MAP3K2: variants seen among roughly 807,000 people sequenced by gnomAD.
MAP3K2 encodes mitogen-activated protein kinase kinase kinase 2.
A neutral mutation model predicts 80.3 loss-of-function variants in MAP3K2; 24 were observed. The ratio of observed to expected loss-of-function variants is 0.30; its 90% confidence interval spans 0.22 to 0.42. The LOEUF is 0.42. Among genes scored for constraint, MAP3K2 ranks in the 10% least tolerant of loss-of-function variants. The pLI is 1.00. For synonymous variants in MAP3K2, 244 were observed against 253.7 expected, an observed-to-expected ratio of 0.96 and a Z score of 0.36; for missense variants, 608 against 750.1, an observed-to-expected ratio of 0.81 and a Z score of 2.21.
In MAP3K2 at chr2:127,387,603, C is replaced by T. The variant is rs1383248488; in HGVS notation, c.-217G>A. 7 of 984,796 alleles carry T rather than the reference C, an allele frequency of 7.1e-6. No homozygotes were observed. The highest frequency in any genetic ancestry group is 5.2e-4 in the Middle Eastern group (1 of 1,934). 61.0% of individuals were successfully genotyped at this position (984,796 alleles called of 1,614,324 possible). On this transcript the variant is annotated 5_prime_UTR_variant, in exon 1 of 17. Transcript: ENST00000682094. Reference sequence around the variant, plus strand: ...GGGACCGGAGGGGCGCGCGAGGAGTCGGGCGCGGGCCTTGGGGCCAGGCCC... The same window carrying T: ...GGGACCGGAGGGGCGCGCGAGGAGTTGGGCGCGGGCCTTGGGGCCAGGCCC...
At position 127,306,716 on chromosome 2, in the gene MAP3K2, CT is replaced by C. The variant is rs1416766852; in HGVS notation, c.*862del. The C allele has an allele frequency of 1.3e-5, 2 of 152,132 alleles. No homozygotes were observed. The highest frequency in any genetic ancestry group is 2.9e-5 in the Non-Finnish European group (2 of 68,008). The allele number at this position is 152,132 out of a possible 1,614,324, so 9.4% of individuals were successfully genotyped here. A position where few individuals can be genotyped will look rare whatever the true frequency, so the allele number is the denominator to read the frequency against. On this transcript the variant is annotated 3_prime_UTR_variant, in exon 17 of 17. Coordinates refer to ENST00000682094, the MANE Select transcript of MAP3K2 (RefSeq NM_001371910.2). This position sits in a 1 kb window ranked among gnomAD's most constrained non-coding sequence, Gnocchi z 4.7. Reference sequence around the variant, plus strand: ...AAACTGTTTAAAATACACTAAACACCTAATTTTTTTTCATTATTTCTATTGA... The same window carrying C: ...AAACTGTTTAAAATACACTAAACACCAATTTTTTTTCATTATTTCTATTGA...
At chr2:127,354,334 G>C (rs1333214695) in intron 1 of MAP3K2, among the ~76,000 whole-genome samples, 1 of 144,772 alleles carries the variant, frequency 6.9e-6, no homozygotes, top group Non-Finnish European at 1.5e-5. Flanking sequence ...TACGATAAAA[G>C]TAAATCCCTT....
chr2:127,308,241 AT>A (rs1685744670), intron 16 of MAP3K2, among the ~76,000 whole-genome samples: 1 of 152,254 alleles, frequency 6.6e-6, no homozygotes, highest in Non-Finnish European at 1.5e-5. Flanking sequence ...TAAAGATTAA[AT>A]GAATTATAAG....
intron 1 of MAP3K2, among the ~76,000 whole-genome samples, chr2:127,352,433 TCTTC>T (rs1233506532): frequency 1.3e-5 from 2 of 152,158 alleles, no homozygotes; most frequent in Non-Finnish European, 2.9e-5. Context: ...CAGAATCTCT[TCTTC>T]CTTGTTTGGC....
At chr2:127,370,001 T>G (rs1012692207) in intron 1 of MAP3K2, among the ~76,000 whole-genome samples, 39 of 151,876 alleles carry the variant, frequency 2.6e-4, no homozygotes, top group South Asian at 1.2e-3. Flanking sequence ...TCTTATCTGG[T>G]GCCTGAAACT....
intron 11 of MAP3K2, among the ~76,000 whole-genome samples, chr2:127,323,193 G>A (rs1033690740): frequency 6.7e-6 from 1 of 149,808 alleles, no homozygotes; most frequent in Non-Finnish European, 1.5e-5. Context: ...CTGGAGATCA[G>A]GAGTTTTGAG....
chr2:127,372,307 C>T (rs1687079425), intron 1 of MAP3K2, among the ~76,000 whole-genome samples: 1 of 152,136 alleles, frequency 6.6e-6, no homozygotes, highest in Admixed American at 6.5e-5. Flanking sequence ...TCCCCAATGC[C>T]CAGAAAGGGG....
At chr2:127,375,079 G>A (rs1262282024) in intron 1 of MAP3K2, among the ~76,000 whole-genome samples, 2 of 152,280 alleles carry the variant, frequency 1.3e-5, no homozygotes, top group African/African-American at 4.8e-5. Context: ...ATGGAAAGAC[G>A]TAAACAGTAA....
chr2:127,301,051 C>T lies in MAP3K2; in HGVS notation c.*6528G>A, dbSNP rs13431911. 0.089 allele frequency: 13,503 copies of T among 152,224 alleles called. 795 individuals carry two copies. The highest frequency in any genetic ancestry group is 0.17 in the African/African-American group (7,043 of 41,542). 9.4% of individuals were successfully genotyped at this position (152,224 alleles called of 1,614,324 possible). A position where few individuals can be genotyped will look rare whatever the true frequency, so the allele number is the denominator to read the frequency against. ...CTTTTCGGTATGGTCATGAACTTTACTGTTCTCAACTGCATTAAGGGATTC... is the reference window on the plus strand; with the variant it reads ...CTTTTCGGTATGGTCATGAACTTTATTGTTCTCAACTGCATTAAGGGATTC... On this transcript the variant is annotated 3_prime_UTR_variant, in exon 17 of 17. Transcript: ENST00000682094.
rs920961283 is a variant in MAP3K2, at chr2:127,305,563, A to T, written c.*2016T>A. ...AACTTCAGAAACAAAGTATCGTAAA[A>T]GAGTCCCTAAATAAGCACACCTTTT... On this transcript the variant is annotated 3_prime_UTR_variant, in exon 17 of 17. Coordinates refer to ENST00000682094, the MANE Select transcript of MAP3K2 (RefSeq NM_001371910.2). 6.6e-6 allele frequency: 1 copy of T among 152,188 alleles called. No homozygotes were observed. Among genetic ancestry groups the T allele is most frequent in the Non-Finnish European group, 1.5e-5 (1 of 68,008 alleles). The allele number at this position is 152,188 out of a possible 1,614,324, so 9.4% of individuals were successfully genotyped here. A position where few individuals can be genotyped will look rare whatever the true frequency, so the allele number is the denominator to read the frequency against.
rs1054696759 is a variant in MAP3K2 at position 127,330,572 on chromosome 2, C to T, written c.265-67G>A. ...TCAAGTTCTTCCATGAGCATCTCCA[C>T]TACTAAGGAATTACAAATGTCAAAA... is the stretch of plus-strand genomic sequence containing the variant. On this transcript the variant is annotated intron_variant, in intron 5 of 16. Transcript: ENST00000682094. 4.3e-6 allele frequency: 3 copies of T among 690,424 alleles called. No individual in the cohort carries two copies. In the African/African-American group the frequency reaches 5.5e-5, roughly 13 times the overall value. The allele number at this position is 690,424 out of a possible 1,614,324, so 42.8% of individuals were successfully genotyped here.
chr2:127,363,857 A>G (rs1686929378), intron 1 of MAP3K2, among the ~76,000 whole-genome samples: 1 of 151,990 alleles, frequency 6.6e-6, no homozygotes, highest in African/African-American at 2.4e-5. Context: ...GGGTCTTGCT[A>G]TGTTTCCCAG....
At chr2:127,360,526 G>C (rs1272812099) in intron 1 of MAP3K2, among the ~76,000 whole-genome samples, 1 of 152,118 alleles carries the variant, frequency 6.6e-6, no homozygotes, top group Admixed American at 6.5e-5. Context: ...CAGTTTGACA[G>C]TTATACACAT....
intron 1 of MAP3K2, among the ~76,000 whole-genome samples, chr2:127,370,524 C>G (rs1167055713): frequency 6.6e-6 from 1 of 152,186 alleles, no homozygotes; most frequent in Non-Finnish European, 1.5e-5. Flanking sequence ...CAAGGGACAA[C>G]AGTTATCAGC....
intron 5 of MAP3K2, among the ~76,000 whole-genome samples, chr2:127,332,910 G>A (rs531872389): frequency 5.3e-5 from 8 of 151,976 alleles, no homozygotes; most frequent in South Asian, 2.1e-4. Context: ...TATGCGGGTC[G>A]CTTGAGCCCT....
At chr2:127,379,809 T>A (rs1474036179) in intron 1 of MAP3K2, among the ~76,000 whole-genome samples, 1 of 152,224 alleles carries the variant, frequency 6.6e-6, no homozygotes, top group African/African-American at 2.4e-5. Flanking sequence ...TGAGTTCAAG[T>A]CCTAGCTCCA....
chr2:127,348,407 T>C (rs901143101), intron 1 of MAP3K2, among the ~76,000 whole-genome samples: 2 of 151,930 alleles, frequency 1.3e-5, no homozygotes, highest in African/African-American at 4.8e-5. Context: ...AATAAACAAA[T>C]AAATAAAATT....
At chr2:127,316,563 G>A (rs1573979622) in intron 14 of MAP3K2, among the ~76,000 whole-genome samples, 1 of 152,142 alleles carries the variant, frequency 6.6e-6, no homozygotes, top group Non-Finnish European at 1.5e-5. Flanking sequence ...AACATTAGGT[G>A]GATGGCTGAA....
intron 6 of MAP3K2, 88 bp downstream of exon 6, chr2:127,330,304 G>C (rs1686228224): frequency 1.6e-6 from 1 of 642,430 alleles, no homozygotes; most frequent in African/African-American, 1.9e-5. Flanking sequence ...ATATTGCAAT[G>C]ATTATAGAAT....
Sources: gnomAD v4.1 joint callset for allele counts (sites outside exome capture counted in the v4.1 genomes callset) on GRCh38, gnomAD v4.1.1 for gene constraint, Gnocchi (gnomAD v3.1) non-coding constraint, MANE v1.5 for transcripts, NCBI Gene and HGNC (gene_info 2026-07-23, HGNC 2026-07-21) for gene names.